LOXL3: variants seen among roughly 807,000 people sequenced by gnomAD.
LOXL3 encodes lysyl oxidase like 3, also known as lysyl oxidase homolog 3.
LOXL3 carries 60 observed loss-of-function variants against 91.8 expected under a neutral mutation model. The observed-to-expected ratio is 0.65, with a 90% confidence interval of 0.53 to 0.81. LOXL3 has a LOEUF of 0.81. LOXL3 is among the 30% of genes least tolerant of loss of function. The pLI, the probability that LOXL3 is intolerant of heterozygous loss-of-function variation, is 0.00. For synonymous variants in LOXL3, 355 were observed against 387.6 expected (o/e 0.92, Z 0.99); for missense variants, 874 against 1,000.4 (o/e 0.87, Z 1.70).
chr2:74,536,813 T>G lies in LOXL3; in HGVS notation c.808A>C (p.Arg270=). The change falls in exon 5 of 14, where the codon AGG becomes CGG. Residue 270 remains arginine, a synonymous_variant. Coordinates refer to ENST00000264094, the MANE Select transcript of LOXL3 (RefSeq NM_032603.5). This position sits in a 1 kb window ranked among gnomAD's most constrained non-coding sequence, Gnocchi z 4.5. ...ACTGCAGGGCCCCCCCCAGGGCACC[T>G]GGCGGTGTCATTGGCACGATAGAAC... The part of the protein sequence containing the change: ...LEFYRANDTA[R]CPGGGPAVVS... 2.5e-6 allele frequency: 4 copies of G among 1,614,206 alleles called. No individual in the cohort carries two copies. The highest frequency in any genetic ancestry group is 2.5e-6 in the Non-Finnish European group (3 of 1,180,034).
intron 4 of LOXL3, chr2:74,539,968 A>G (rs1676230298): frequency 6.6e-6 from 1 of 152,568 alleles, no homozygotes; most frequent in South Asian, 2.1e-4. Flanking sequence ...TGGTGGCAGG[A>G]TATTATAACA....
At position 74,534,200 on chromosome 2, in the gene LOXL3, T is replaced by C. The variant is rs1016152170; in HGVS notation, c.1976A>G (p.Glu659Gly). Reference sequence around the variant, plus strand: ...CCAGCAACCCACAGTGATGCCTTGCTCTCCAAAGTTGGCACACTCATACCG... The same window carrying C: ...CCAGCAACCCACAGTGATGCCTTGCCCTCCAAAGTTGGCACACTCATACCG... ...SKRYECANFG[E>G]QGITVGCWDL... Residue 659 changes from glutamate to glycine, a missense_variant, in exon 12 of 14, where the codon GAG (glutamate) becomes GGG (glycine). Coordinates refer to ENST00000264094, the MANE Select transcript of LOXL3 (RefSeq NM_032603.5). The C allele has an allele frequency of 6.2e-6, 10 of 1,614,136 alleles. No homozygotes were observed. The highest frequency in any genetic ancestry group is 2.5e-6 in the Non-Finnish European group (3 of 1,180,028).
At chr2:74,537,926 A>C (rs997668250) in intron 4 of LOXL3, among the ~76,000 whole-genome samples, 1 of 152,250 alleles carries the variant, frequency 6.6e-6, no homozygotes, top group East Asian at 1.9e-4. Flanking sequence ...GTAGTCATGC[A>C]TTATTGCAAT....
At chr2:74,551,885 TTA>T (rs1677040637) in intron 2 of LOXL3, among the ~76,000 whole-genome samples, 1 of 152,266 alleles carries the variant, frequency 6.6e-6, no homozygotes, top group South Asian at 2.1e-4. Flanking sequence ...CTTGTTAGTT[TTA>T]GCTCTGGCCC....
chr2:74,544,011 A>G (rs1208041677), intron 4 of LOXL3, among the ~76,000 whole-genome samples: 1 of 151,942 alleles, frequency 6.6e-6, no homozygotes, highest in Non-Finnish European at 1.5e-5. Flanking sequence ...TCCCCATTAA[A>G]ACACTTCAAT....
At chr2:74,545,705 G>A (rs1469686665) in intron 4 of LOXL3, among the ~76,000 whole-genome samples, 1 of 151,930 alleles carries the variant, frequency 6.6e-6, no homozygotes, top group Non-Finnish European at 1.5e-5. Flanking sequence ...CACTCCCCTG[G>A]TTTTCTTCCT....
Position 74,532,560 on chromosome 2 carries a change from G to A in LOXL3, c.*1046C>T, listed in dbSNP as rs1675688467. 7.5e-7 allele frequency: 1 copy of A among 1,324,800 alleles called. No homozygotes were observed. Among genetic ancestry groups the A allele is most frequent in the African/African-American group, 1.5e-5 (1 of 68,938 alleles). The allele number at this position is 1,324,800 out of a possible 1,614,324, so 82.1% of individuals were successfully genotyped here. A position where few individuals can be genotyped will look rare whatever the true frequency, so the allele number is the denominator to read the frequency against. ...ATGTGTTGATGAGAGACTTGAGGTG[G>A]AACTCAGGATGGGGAGAATGCCTGG... On this transcript the variant is annotated 3_prime_UTR_variant, in exon 14 of 14. Transcript: ENST00000264094.
chr2:74,547,458 G>A (rs953450695), intron 4 of LOXL3, among the ~76,000 whole-genome samples: 8 of 152,188 alleles, frequency 5.3e-5, no homozygotes, highest in African/African-American at 1.9e-4. Flanking sequence ...TTAAATTAGG[G>A]AAGGTAAGCA....
intron 4 of LOXL3, among the ~76,000 whole-genome samples, chr2:74,537,863 G>C (rs1049416586): frequency 1.3e-5 from 2 of 152,236 alleles, no homozygotes; most frequent in African/African-American, 4.8e-5. Flanking sequence ...TGCCCGCAGA[G>C]AAAGGGAAGA....
chr2:74,535,832 A>G lies in LOXL3; in HGVS notation c.1249-77T>C, dbSNP rs975696399. On this transcript the variant is annotated intron_variant, in intron 7 of 13. Transcript: ENST00000264094. The surrounding 1 kb of genome is among the most constrained non-coding windows in gnomAD (Gnocchi z 4.2). ...GGGAGTCTCTAACAGATGTGGCTGA[A>G]GCGTGACTCAGGCACATAATGGGCT... 7 of 1,494,198 alleles carry G rather than the reference A, an allele frequency of 4.7e-6. No homozygotes were observed. The Admixed American group carries it at 1.4e-4, about 29-fold the overall frequency. The allele number at this position is 1,494,198 out of a possible 1,614,324, so 92.6% of individuals were successfully genotyped here.
chr2:74,551,734 A>G (rs999331575), intron 2 of LOXL3, among the ~76,000 whole-genome samples: 9 of 152,252 alleles, frequency 5.9e-5, no homozygotes, highest in African/African-American at 2.2e-4. Flanking sequence ...TGCAGGTTGC[A>G]CCTGCTTCTG....
In LOXL3 at chr2:74,552,630, C is replaced by T. The variant is rs748632204; in HGVS notation, c.5G>A (p.Arg2Gln). The change falls in exon 2 of 14, where the codon CGA becomes CAA. Residue 2 changes from arginine to glutamine, a missense_variant. Coordinates refer to ENST00000264094, the MANE Select transcript of LOXL3 (RefSeq NM_032603.5). ...GCTCCACTGCCAGACACTGACAGGT[C>T]GCATGGCAGGGAAGGCCTGGGTGCC... M[R>Q]PVSVWQWSPW... 6.8e-5 allele frequency: 106 copies of T among 1,552,232 alleles called. No individual in the cohort carries two copies. The highest frequency in any genetic ancestry group is 1.5e-4 in the Admixed American group (8 of 53,020).
Position 74,549,520 on chromosome 2 carries a change from G to C in LOXL3, c.541C>G (p.Pro181Ala). The C allele has an allele frequency of 6.2e-7, 1 of 1,613,572 alleles. No individual in the cohort carries two copies. Among genetic ancestry groups the C allele is most frequent in the Non-Finnish European group, 8.5e-7 (1 of 1,179,746 alleles). ...ACCAGCCCCTCCGTCACGGGCAGGG[G>C]TCGTCTGCCCCACCCAACGGCGGGT... ...IRPAVGWGRR[P>A]LPVTEGLVEV... The change falls in exon 4 of 14, where the codon CCC becomes GCC. Residue 181 changes from proline (P) to alanine (A), a missense_variant. Physicochemically the swap from Pro to Ala is conservative, Grantham distance 27 (BLOSUM62 -1). Coordinates refer to ENST00000264094, the MANE Select transcript of LOXL3 (RefSeq NM_032603.5). This position sits in a 1 kb window ranked among gnomAD's most constrained non-coding sequence, Gnocchi z 5.3.
Position 74,532,576 on chromosome 2 carries a change from G to A in LOXL3, c.*1030C>T, listed in dbSNP as rs753916337. On this transcript the variant is annotated 3_prime_UTR_variant, in exon 14 of 14. Coordinates refer to ENST00000264094, the MANE Select transcript of LOXL3 (RefSeq NM_032603.5). ...CTTGAGGTGGAACTCAGGATGGGGA[G>A]AATGCCTGGGTTTGGCTAATAGGGT... The A allele has an allele frequency of 5.6e-5, 84 of 1,500,958 alleles. No individual in the cohort carries two copies. Among genetic ancestry groups the A allele is most frequent in the Non-Finnish European group, 7.6e-5 (82 of 1,080,224 alleles). The allele number at this position is 1,500,958 out of a possible 1,614,324, so 93.0% of individuals were successfully genotyped here. A position where few individuals can be genotyped will look rare whatever the true frequency, so the allele number is the denominator to read the frequency against.
Position 74,536,598 on chromosome 2 carries a change from CT to C in LOXL3, c.912+110del, listed in dbSNP as rs887369035. The C allele has an allele frequency of 4.1e-6, 6 of 1,458,652 alleles. No homozygotes were observed. The highest frequency in any genetic ancestry group is 1.4e-5 in the African/African-American group (1 of 71,708). The allele number at this position is 1,458,652 out of a possible 1,614,324, so 90.4% of individuals were successfully genotyped here. A position where few individuals can be genotyped will look rare whatever the true frequency, so the allele number is the denominator to read the frequency against. On this transcript the variant is annotated intron_variant, in intron 5 of 13. Coordinates refer to ENST00000264094, the MANE Select transcript of LOXL3 (RefSeq NM_032603.5). This position sits in a 1 kb window ranked among gnomAD's most constrained non-coding sequence, Gnocchi z 4.5. ...TGGTATCAGGTCTGTGGCCCACCCCCTGGAAGGCTCCTCTCTGTCCTCAAAG... is the reference window on the plus strand; with the variant it reads ...TGGTATCAGGTCTGTGGCCCACCCCCGGAAGGCTCCTCTCTGTCCTCAAAG...
chr2:74,554,402 C>G (rs935348113), upstream of LOXL3: 16 of 293,238 alleles, frequency 5.5e-5, 1 homozygote, highest in Admixed American at 1.0e-4. The surrounding 1 kb of genome is among the most constrained non-coding windows in gnomAD (Gnocchi z 4.9). Flanking sequence ...GTGCCCGGGG[C>G]GCTTTCGGGG....
In LOXL3 at chr2:74,536,833, T is replaced by C. The variant is rs371775212; in HGVS notation, c.788A>G (p.Tyr263Cys). The change falls in exon 5 of 14, where the codon TAT (tyrosine) becomes TGT (cysteine). Residue 263 changes from tyrosine (Y) to cysteine (C), a missense_variant. Transcript: ENST00000264094. The surrounding 1 kb of genome is among the most constrained non-coding windows in gnomAD (Gnocchi z 4.5). ...AHLSLCSLEFYRANDTARCPG... is the reference protein window; with the variant it reads ...AHLSLCSLEFCRANDTARCPG... ...GCACCTGGCGGTGTCATTGGCACGA[T>C]AGAACTCCAGGGAACAGAGGGAGAG... 40 of 1,614,196 alleles carry C rather than the reference T, an allele frequency of 2.5e-5. No homozygotes were observed. Among genetic ancestry groups the C allele is most frequent in the Middle Eastern group, 3.3e-4 (2 of 6,062 alleles).
rs1423230522 is a variant in LOXL3 at position 74,535,568 on chromosome 2, C to T, written c.1416+20G>A. 2 of 1,613,480 alleles carry T rather than the reference C, an allele frequency of 1.2e-6. No individual in the cohort carries two copies. Among genetic ancestry groups the T allele is most frequent in the South Asian group, 1.1e-5 (1 of 91,076 alleles). The stretch of plus-strand genomic sequence containing the variant: ...AGGCTTTGAGACAACAGCCTCGGCT[C>T]CCCTTTCCTTCCCACTCACCTGCAG... On this transcript the variant is annotated intron_variant, in intron 8 of 13. Coordinates refer to ENST00000264094, the MANE Select transcript of LOXL3 (RefSeq NM_032603.5). This position sits in a 1 kb window ranked among gnomAD's most constrained non-coding sequence, Gnocchi z 4.2.
chr2:74,547,093 C>T (rs2104430332), intron 4 of LOXL3, among the ~76,000 whole-genome samples: 1 of 152,310 alleles, frequency 6.6e-6, no homozygotes, highest in South Asian at 2.1e-4. Flanking sequence ...TCACTGCAGC[C>T]TTGACTTCCT....
Sources: allele counts gnomAD v4.1 joint callset (sites outside exome capture counted in the v4.1 genomes callset), GRCh38; gene constraint gnomAD v4.1.1; non-coding constraint Gnocchi (gnomAD v3.1); transcripts MANE v1.5; gene names NCBI Gene and HGNC (gene_info 2026-07-23, HGNC 2026-07-21).